Variants in SSTR5 observed in about 807,000 individuals in gnomAD.
The protein encoded by SSTR5 is somatostatin receptor type 5.
SSTR5 carries 1 observed loss-of-function variant against 0.3 expected under a neutral mutation model. The observed-to-expected ratio is 2.98, with a 90% CI of 1.06 to 14.15. The LOEUF is 14.15. Ranked by LOEUF, SSTR5 falls within the 30% of genes most tolerant of loss-of-function variation. The pLI is 0.12. For missense variants in SSTR5, 516 were observed against 543.2 expected (o/e 0.95, Z 0.50); for synonymous variants, 256 against 263.1 (o/e 0.97, Z 0.26).
chr16:1,079,913 C>A lies in SSTR5; in HGVS notation c.1045C>A (p.Pro349Thr). 1 of 1,606,370 alleles carries A rather than the reference C, an allele frequency of 6.2e-7. No homozygotes were observed. Among genetic ancestry groups the A allele is most frequent in the Non-Finnish European group, 8.5e-7 (1 of 1,177,256 alleles). The change falls in exon 2 of 2, where the codon CCC becomes ACC. Residue 349 changes from proline to threonine, a missense_variant. Physicochemically the swap from Pro to Thr is conservative, Grantham distance 38. Coordinates refer to ENST00000689027, the MANE Select transcript of SSTR5 (RefSeq NM_001172560.3). The stretch of plus-strand genomic sequence containing the variant: ...CCGGCAGCAGCAGGAGGCCACGCCA[C>A]CCGCGCACCGCGCCGCAGCCAACGG... ...RIRQQQEATP[P>T]AHRAAANGLM...
chr16:1,072,865 C>A (rs892794867), intron 1 of SSTR5, among the ~76,000 whole-genome samples, 43 bp downstream of exon 1: 1 of 152,086 alleles, frequency 6.6e-6, no homozygotes, highest in African/African-American at 2.4e-5. Flanking sequence ...GCGGGCACCC[C>A]CTGCCCTCGG....
Position 1,079,744 on chromosome 16 carries a change from C to T in SSTR5, c.876C>T (p.Leu292=). 1 of 1,612,288 alleles carries T rather than the reference C, an allele frequency of 6.2e-7. No individual in the cohort carries two copies. Among genetic ancestry groups the T allele is most frequent in the Non-Finnish European group, 8.5e-7 (1 of 1,179,940 alleles). Residue 292 remains leucine, a synonymous_variant, in exon 2 of 2, where the codon CTC becomes CTT. Transcript: ENST00000689027. The part of the protein sequence containing the change: ...SAGLYFFVVI[L]SYANSCANPV... Reference sequence around the variant, plus strand: ...GCCTCTACTTCTTCGTGGTCATCCTCTCCTACGCCAACAGCTGTGCCAACC... The same window carrying T: ...GCCTCTACTTCTTCGTGGTCATCCTTTCCTACGCCAACAGCTGTGCCAACC...
intron 1 of SSTR5, among the ~76,000 whole-genome samples, chr16:1,074,485 G>A (rs941142353): frequency 2.0e-5 from 3 of 152,226 alleles, no homozygotes; most frequent in Admixed American, 6.5e-5. Flanking sequence ...CCCAGTCATG[G>A]AGGACTTGGT....
chr16:1,074,085 C>T (rs1236835165), intron 1 of SSTR5, among the ~76,000 whole-genome samples: 3 of 152,194 alleles, frequency 2.0e-5, no homozygotes, highest in Non-Finnish European at 4.4e-5. Context: ...GCAGGGGTGC[C>T]ATTGGCTGCA....
chr16:1,078,653 TC>T (rs1161454098), intron 1 of SSTR5, 188 bp from the exon 2 acceptor site: 9 of 637,640 alleles, frequency 1.4e-5, no homozygotes, highest in Non-Finnish European at 2.4e-5. Flanking sequence ...CGCCGCTCCT[TC>T]CTCTCCTGGC....
chr16:1,078,358 C>T, intron 1 of SSTR5: 2 of 167,334 alleles, frequency 1.2e-5, no homozygotes, highest in Non-Finnish European at 2.6e-5. Flanking sequence ...GCCATTCATC[C>T]CAGGCGGACA....
At position 1,079,875 on chromosome 16, in the gene SSTR5, G is replaced by C. The variant is rs567626697; in HGVS notation, c.1007G>C (p.Arg336Pro). The stretch of plus-strand genomic sequence containing the variant: ...AAGGACGCTGACGCCACGGAGCCGC[G>C]TCCAGACAGGATCCGGCAGCAGCAG... ...GAKDADATEP[R>P]PDRIRQQQEA... is the part of the protein sequence containing the mutation. Residue 336 changes from arginine (R) to proline (P), a missense_variant, in exon 2 of 2, where the codon CGT (arginine) becomes CCT (proline). Arg to Pro is a moderately radical substitution (Grantham distance 103). Coordinates refer to ENST00000689027, the MANE Select transcript of SSTR5 (RefSeq NM_001172560.3). 2.5e-6 allele frequency: 4 copies of C among 1,610,116 alleles called. No homozygotes were observed. The highest frequency in any genetic ancestry group is 3.4e-6 in the Non-Finnish European group (4 of 1,179,214).
chr16:1,077,211 G>T (rs1447142776), intron 1 of SSTR5, among the ~76,000 whole-genome samples: 1 of 152,148 alleles, frequency 6.6e-6, no homozygotes, highest in East Asian at 1.9e-4. Flanking sequence ...GGTCAGGGCC[G>T]GTCAGCTGAG....
Position 1,077,842 on chromosome 16 carries a change from C to T in SSTR5, c.-27-1000C>T, listed in dbSNP as rs755588727. The T allele has an allele frequency of 1.4e-3, 219 of 152,450 alleles. 1 individual carries two copies. Among genetic ancestry groups the T allele is most frequent in the Non-Finnish European group, 2.3e-3 (158 of 68,102 alleles). 9.4% of individuals were successfully genotyped at this position (152,450 alleles called of 1,614,324 possible). ...ACGTCACCATTCCCAGCCCACCCTTCTCCATGGACACCCCTCCCTCCCCTC... is the reference window on the plus strand; with the variant it reads ...ACGTCACCATTCCCAGCCCACCCTTTTCCATGGACACCCCTCCCTCCCCTC... On this transcript the variant is annotated intron_variant, in intron 1 of 1. Coordinates refer to ENST00000689027, the MANE Select transcript of SSTR5 (RefSeq NM_001172560.3).
intron 1 of SSTR5, among the ~76,000 whole-genome samples, chr16:1,074,043 G>A (rs765722257): frequency 7.2e-5 from 11 of 152,306 alleles, no homozygotes; most frequent in South Asian, 2.1e-4. Flanking sequence ...ACAGGCTGCC[G>A]CAGGGACAGG....
In SSTR5 at chr16:1,079,761, G is replaced by A. The variant is rs772853745; in HGVS notation, c.893G>A (p.Cys298Tyr). The change falls in exon 2 of 2, where the codon TGT (cysteine) becomes TAT (tyrosine). Residue 298 changes from cysteine to tyrosine, a missense_variant. Cys to Tyr is a radical substitution (Grantham distance 194, BLOSUM62 -2). Coordinates refer to ENST00000689027, the MANE Select transcript of SSTR5 (RefSeq NM_001172560.3). Reference protein sequence around the residue: ...FVVILSYANSCANPVLYGFLS... With the variant: ...FVVILSYANSYANPVLYGFLS... ...GTCATCCTCTCCTACGCCAACAGCT[G>A]TGCCAACCCCGTCCTCTACGGCTTC... is the stretch of plus-strand genomic sequence containing the variant. 3.1e-6 allele frequency: 5 copies of A among 1,612,332 alleles called. No individual in the cohort carries two copies. The highest frequency in any genetic ancestry group is 3.4e-6 in the Non-Finnish European group (4 of 1,179,916).
chr16:1,075,109 G>C (rs952135483), intron 1 of SSTR5, among the ~76,000 whole-genome samples: 1 of 152,224 alleles, frequency 6.6e-6, no homozygotes, highest in African/African-American at 2.4e-5. Flanking sequence ...TTCCCCGTGA[G>C]TGCGTAATTT....
Position 1,079,976 on chromosome 16 carries a change from G to A in SSTR5, c.*13G>A, listed in dbSNP as rs772265057. The A allele has an allele frequency of 4.4e-6, 7 of 1,585,144 alleles. No homozygotes were observed. The highest frequency in any genetic ancestry group is 1.3e-5 in the African/African-American group (1 of 74,600). ...CAGCAAGCTGTGAGAGTGCAGGCGGGGGGTGGGCGGCCCCGTGTCACCCCC... is the reference window on the plus strand; with the variant it reads ...CAGCAAGCTGTGAGAGTGCAGGCGGAGGGTGGGCGGCCCCGTGTCACCCCC... On this transcript the variant is annotated 3_prime_UTR_variant, in exon 2 of 2. Transcript: ENST00000689027.
chr16:1,075,234 G>A (rs553517550), intron 1 of SSTR5, among the ~76,000 whole-genome samples: 14 of 152,320 alleles, frequency 9.2e-5, no homozygotes, highest in African/African-American at 2.6e-4. Context: ...GTCTAACTCC[G>A]GAGGTGGAGC....
chr16:1,078,630 G>A (rs1364629105), intron 1 of SSTR5: 11 of 593,616 alleles, frequency 1.9e-5, no homozygotes, highest in South Asian at 8.0e-5. Context: ...CTGGGCTCCC[G>A]GGGCCACCTG....
chr16:1,079,153 C>T lies in SSTR5; in HGVS notation c.285C>T (p.Phe95=), dbSNP rs768356839. The T allele has an allele frequency of 2.5e-6, 4 of 1,612,698 alleles. No individual in the cohort carries two copies. The highest frequency in any genetic ancestry group is 3.4e-6 in the Non-Finnish European group (4 of 1,179,956). ...TCCTGTACATGCTGGGGCTGCCTTT[C>T]CTGGCCACGCAGAACGCCGCGTCCT... ...ADVLYMLGLP[F]LATQNAASFW... is the part of the protein sequence containing the mutation. The change falls in exon 2 of 2, where the codon TTC becomes TTT. Residue 95 remains phenylalanine, a synonymous_variant. Coordinates refer to ENST00000689027, the MANE Select transcript of SSTR5 (RefSeq NM_001172560.3).
chr16:1,080,759 A>G lies in SSTR5; in HGVS notation c.*796A>G, dbSNP rs1960356989. 6.6e-6 allele frequency among the ~76,000 whole-genome samples: 1 copy of G among 152,200 alleles called. No homozygotes were observed. The highest frequency in any genetic ancestry group is 1.5e-5 in the Non-Finnish European group (1 of 68,024). Reference sequence around the variant, plus strand: ...CAGCCCTCCAGGCTGCTGGGGGTGCAGATGGCTGTGCCGTGCTGAGATTGG... The same window carrying G: ...CAGCCCTCCAGGCTGCTGGGGGTGCGGATGGCTGTGCCGTGCTGAGATTGG... On this transcript the variant is annotated 3_prime_UTR_variant, in exon 2 of 2. Coordinates refer to ENST00000689027, the MANE Select transcript of SSTR5 (RefSeq NM_001172560.3).
Position 1,081,034 on chromosome 16 carries a change from G to C in SSTR5, c.*1071G>C, listed in dbSNP as rs548170676. On this transcript the variant is annotated 3_prime_UTR_variant, in exon 2 of 2. Coordinates refer to ENST00000689027, the MANE Select transcript of SSTR5 (RefSeq NM_001172560.3). ...CTGCTGAGAGGCAGCGGCCGCGCGG[G>C]TGACGCAAATGGCAGGCCCTGGGAA... is the stretch of plus-strand genomic sequence containing the variant. 1 of 470,284 alleles carries C rather than the reference G, an allele frequency of 2.1e-6. No homozygotes were observed. The highest frequency in any genetic ancestry group is 2.4e-5 in the Admixed American group (1 of 42,530). 29.1% of individuals were successfully genotyped at this position (470,284 alleles called of 1,614,324 possible).
In SSTR5 at chr16:1,080,473, C is replaced by T. The variant is rs1003524967; in HGVS notation, c.*510C>T. Among the ~76,000 whole-genome samples the T allele has an allele frequency of 2.0e-5, 3 of 152,238 alleles. No homozygotes were observed. The highest frequency in any genetic ancestry group is 4.4e-5 in the Non-Finnish European group (3 of 68,032). On this transcript the variant is annotated 3_prime_UTR_variant, in exon 2 of 2. Transcript: ENST00000689027. ...CCGGAGTCCCTGGCCAGGGCCCCAG[C>T]CCCTCGCTTGCCCTGCACTGTGTGG...
Sources: gnomAD v4.1 joint callset for allele counts (sites outside exome capture counted in the v4.1 genomes callset) on GRCh38, gnomAD v4.1.1 for gene constraint, MANE v1.5 for transcripts, NCBI Gene and HGNC (gene_info 2026-07-23, HGNC 2026-07-21) for gene names.